The following STS variants were observed in gnomAD, a reference collection of about 807,000 sequenced individuals.
STS encodes the protein steroid sulfatase, also known as steryl-sulfatase.
STS carries 7 observed loss-of-function variants against 26.8 expected under a neutral mutation model. That is an observed-to-expected ratio of 0.26 (90% CI 0.15 to 0.49). The LOEUF is 0.49. STS is among the 20% of genes least tolerant of loss of function. STS has a pLI of 0.98. For missense variants in STS, 434 were observed against 465.6 expected, an observed-to-expected ratio of 0.93 and a Z score of 0.63; for synonymous variants, 199 against 189.4, an observed-to-expected ratio of 1.05 and a Z score of -0.42.
intron 7 of STS, among the ~76,000 whole-genome samples, chrX:7,297,174 A>G (rs1925705711): frequency 9.0e-6 from 1 of 111,665 alleles, no homozygotes; most frequent in Non-Finnish European, 1.9e-5. Flanking sequence ...TTATATGTCA[A>G]CATTGATTAA....
intron 2 of STS, among the ~76,000 whole-genome samples, chrX:7,225,961 TCTC>T (rs1921786530): frequency 8.9e-6 from 1 of 112,263 alleles, no homozygotes; most frequent in South Asian, 3.7e-4. Context: ...GAAAGCCAAT[TCTC>T]TTCTTTTTCT....
At chrX:7,307,376 C>T (rs1282047329) in intron 8 of STS, among the ~76,000 whole-genome samples, 1 of 110,630 alleles carries the variant, frequency 9.0e-6, no homozygotes, top group African/African-American at 3.3e-5. Context: ...GTCCACTCAC[C>T]CAGCGCAGTA....
intron 1 of STS, among the ~76,000 whole-genome samples, chrX:7,184,012 T>TA (rs10707577): frequency 2.9e-4 from 30 of 103,777 alleles, no homozygotes; most frequent in South Asian, 8.5e-4. Context: ...CAAATAAAAA[T>TA]AAAAAAAAAA....
intron 2 of STS, among the ~76,000 whole-genome samples, chrX:7,214,159 C>A (rs1488283627): frequency 8.9e-6 from 1 of 112,304 alleles, no homozygotes; most frequent in Non-Finnish European, 1.9e-5. Context: ...ATGCCTGATA[C>A]ATGGTAGGAA....
At position 7,153,745 on chromosome X, in the gene STS, TCTCCTTCCCTCC is replaced by T. The variant is rs748239594; in HGVS notation, c.-134+5665_-134+5676del. 3.1e-3 allele frequency among the ~76,000 whole-genome samples: 272 copies of T among 88,941 alleles called. 2 individuals carry two copies. The highest frequency in any genetic ancestry group is 0.012 in the African/African-American group (264 of 22,829). 77.2% of individuals were successfully genotyped at this position (88,941 alleles called of 115,157 possible). On this transcript the variant is annotated intron_variant, in intron 1 of 10. Coordinates refer to ENST00000674429, the MANE Select transcript of STS (RefSeq NM_001320752.2). ...CTCCTCCTCCTCGACTCCTTCCCTCTCTCCTTCCCTCCCTTCCTTTCCTCCTTCTCTCTTTTT... is the reference window on the plus strand; with the variant it reads ...CTCCTCCTCCTCGACTCCTTCCCTCTCTTCCTTTCCTCCTTCTCTCTTTTT...
chrX:7,227,960 C>T (rs1193414574), intron 2 of STS, among the ~76,000 whole-genome samples: 4 of 111,975 alleles, frequency 3.6e-5, no homozygotes, highest in African/African-American at 1.3e-4. Flanking sequence ...TAAGTGGAAT[C>T]ATACAGAATT....
chrX:7,164,710 A>T (rs1174447870), intron 1 of STS, among the ~76,000 whole-genome samples: 2 of 110,729 alleles, frequency 1.8e-5, no homozygotes, highest in African/African-American at 6.6e-5. Context: ...CATTAAAAAA[A>T]AAAGAAAACA....
intron 7 of STS, among the ~76,000 whole-genome samples, chrX:7,287,382 A>G (rs1442885750): frequency 2.7e-5 from 3 of 111,861 alleles, no homozygotes; most frequent in Non-Finnish European, 3.8e-5. Context: ...CAGAAAGGGA[A>G]TGACCCATGA....
At chrX:7,166,077 G>A (rs1438467318) in intron 1 of STS, among the ~76,000 whole-genome samples, 1 of 105,998 alleles carries the variant, frequency 9.4e-6, no homozygotes, top group Non-Finnish European at 1.9e-5. Flanking sequence ...GCGTGATTAC[G>A]GCTCGCTGCA....
chrX:7,252,415 T>G, intron 2 of STS: 4 of 377,015 alleles, frequency 1.1e-5, no homozygotes, highest in Non-Finnish European at 1.4e-5. Flanking sequence ...GGCCTCTCTC[T>G]GGCTGGGAAA....
At chrX:7,341,952 C>T (rs1010100517) in intron 10 of STS, among the ~76,000 whole-genome samples, 4 of 110,349 alleles carry the variant, frequency 3.6e-5, no homozygotes, top group Non-Finnish European at 7.6e-5. Flanking sequence ...GCTGGGATTA[C>T]GGGCGCCCAC....
chrX:7,252,704 A>G (rs748609572), intron 2 of STS, among the ~76,000 whole-genome samples: 1 of 112,198 alleles, frequency 8.9e-6, no homozygotes, highest in South Asian at 3.7e-4. Context: ...CTTACAAGGA[A>G]TGAAATGCAG....
intron 2 of STS, among the ~76,000 whole-genome samples, chrX:7,205,410 G>A (rs1422825574): frequency 1.8e-5 from 2 of 111,380 alleles, no homozygotes; most frequent in Non-Finnish European, 3.8e-5. Flanking sequence ...ACATCAATTA[G>A]GCATGAAGGC....
At chrX:7,163,826 C>T (rs1933296609) in intron 1 of STS, among the ~76,000 whole-genome samples, 1 of 111,898 alleles carries the variant, frequency 8.9e-6, no homozygotes, top group Non-Finnish European at 1.9e-5. Context: ...TGTTTCACTG[C>T]AGAACTTTTT....
chrX:7,161,645 T>G (rs758942460), intron 1 of STS, among the ~76,000 whole-genome samples: 1 of 112,375 alleles, frequency 8.9e-6, no homozygotes, highest in South Asian at 3.7e-4. Flanking sequence ...CTTTACTTCT[T>G]ATCAGAGTAT....
chrX:7,188,283 G>A, intron 1 of STS, among the ~76,000 whole-genome samples: 1 of 111,350 alleles, frequency 9.0e-6, no homozygotes, highest in East Asian at 2.8e-4. Flanking sequence ...CCTTGGCACT[G>A]TTGACACTTG....
At chrX:7,152,251 C>T (rs754290947) in intron 1 of STS, among the ~76,000 whole-genome samples, 2 of 112,153 alleles carry the variant, frequency 1.8e-5, no homozygotes, top group South Asian at 7.5e-4. Context: ...CACGCCCGGC[C>T]AGGATTATTA....
chrX:7,173,178 G>A (rs1201021936), intron 1 of STS, among the ~76,000 whole-genome samples: 1 of 111,220 alleles, frequency 9.0e-6, no homozygotes, highest in African/African-American at 3.3e-5. Context: ...TTATAAATGA[G>A]AATATGTGGT....
chrX:7,277,689 A>G (rs1272302990), intron 7 of STS, among the ~76,000 whole-genome samples: 1 of 111,626 alleles, frequency 9.0e-6, no homozygotes, highest in Non-Finnish European at 1.9e-5. Flanking sequence ...AGTGAGTACC[A>G]TTTGTAATAC....
Sources: allele counts gnomAD v4.1 joint callset (sites outside exome capture counted in the v4.1 genomes callset), GRCh38; gene constraint gnomAD v4.1.1; transcripts MANE v1.5; gene names NCBI Gene and HGNC (gene_info 2026-07-23, HGNC 2026-07-21).